The following PIK3R2 variants were observed in gnomAD, a reference collection of about 807,000 sequenced individuals.
The protein encoded by PIK3R2 is phosphoinositide-3-kinase regulatory subunit 2.
Under a neutral mutation model 78.5 loss-of-function variants are expected in PIK3R2, and 40 were observed. The ratio of observed to expected loss-of-function variants is 0.51; its 90% CI spans 0.40 to 0.66. The LOEUF is 0.66. Among genes scored for constraint, PIK3R2 ranks in the 30% least tolerant of loss-of-function variants. The pLI is 0.00. For synonymous variants in PIK3R2, 473 were observed against 457.7 expected (o/e 1.03, Z -0.43); for missense variants, 880 against 1,026.6 (o/e 0.86, Z 1.95).
rs1599987240 is a variant in PIK3R2 at position 18,167,648 on chromosome 19, A to G, written c.1736+342A>G. ...GCGGGCAGATGGATCACTTGAGGCC[A>G]GGAGTTCAAGACCAGCCTGGCCAAC... On this transcript the variant is annotated intron_variant, in intron 13 of 15. Transcript: ENST00000222254. The surrounding 1 kb of genome is among the most constrained non-coding windows in gnomAD (Gnocchi z 4.5). Among the ~76,000 whole-genome samples, 1 of 152,130 alleles carries G rather than the reference A, an allele frequency of 6.6e-6. No individual in the cohort carries two copies. Among genetic ancestry groups the G allele is most frequent in the Admixed American group, 6.6e-5 (1 of 15,262 alleles).
Position 18,168,767 on chromosome 19 carries a change from A to G in PIK3R2, c.1850A>G (p.His617Arg), listed in dbSNP as rs1179142508. 2 of 1,612,786 alleles carry G rather than the reference A, an allele frequency of 1.2e-6. No individual in the cohort carries two copies. The highest frequency in any genetic ancestry group is 1.3e-5 in the African/African-American group (1 of 74,774). The change falls in exon 15 of 16, where the codon CAC becomes CGC. Residue 617 changes from histidine (H) to arginine (R), a missense_variant. His to Arg is a conservative substitution (Grantham distance 29). Around this residue, in one of 3 missense-constraint regions of PIK3R2, gnomAD observed 268 missense variants for 299.1 expected, o/e 0.90. Transcript: ENST00000222254. The surrounding 1 kb of genome is among the most constrained non-coding windows in gnomAD (Gnocchi z 4.1). ...LMEDEDDLPH[H>R]EERTWYVGKI... ...GAGGACGAGGACGATCTCCCGCACCACGAGGAACGCACTTGGTACGTGGGC... is the reference window on the plus strand; with the variant it reads ...GAGGACGAGGACGATCTCCCGCACCGCGAGGAACGCACTTGGTACGTGGGC...
rs1453818326 is a variant in PIK3R2 at position 18,170,381 on chromosome 19, C to T, written c.*1087C>T. On this transcript the variant is annotated 3_prime_UTR_variant, in exon 16 of 16. Coordinates refer to ENST00000222254, the MANE Select transcript of PIK3R2 (RefSeq NM_005027.4). Reference sequence around the variant, plus strand: ...ATGTTGGGTTTTGATTCTGTTTTTCCTTGACTGCAAAACCCTCTTTCCTCT... The same window carrying T: ...ATGTTGGGTTTTGATTCTGTTTTTCTTTGACTGCAAAACCCTCTTTCCTCT... 2.0e-5 allele frequency: 3 copies of T among 152,068 alleles called. No homozygotes were observed. The highest frequency in any genetic ancestry group is 7.2e-5 in the African/African-American group (3 of 41,388). 9.4% of individuals were successfully genotyped at this position (152,068 alleles called of 1,614,324 possible).
chr19:18,156,021 G>C lies in PIK3R2; in HGVS notation c.142G>C (p.Glu48Gln), dbSNP rs1011337615. 3.8e-6 allele frequency: 6 copies of C among 1,558,766 alleles called. No homozygotes were observed. Among genetic ancestry groups the C allele is most frequent in the Non-Finnish European group, 4.3e-6 (5 of 1,151,818 alleles). Residue 48 changes from glutamate (E) to glutamine (Q), a missense_variant, in exon 2 of 16, where the codon GAG (glutamate) becomes CAG (glutamine). Glu to Gln is a conservative substitution (Grantham distance 29). Around this residue, in one of 3 missense-constraint regions of PIK3R2, gnomAD observed 456 missense variants for 486.6 expected, o/e 0.94. Transcript: ENST00000222254. The surrounding 1 kb of genome is among the most constrained non-coding windows in gnomAD (Gnocchi z 4.2). ...GGCGCTGGGCGTGGCCGAGGGTGGC[G>C]AGCGCTGCCCACAGAGCGTGGGCTG... is the stretch of plus-strand genomic sequence containing the variant. ...LQALGVAEGG[E>Q]RCPQSVGWMP... is the part of the protein sequence containing the mutation.
At position 18,158,833 on chromosome 19, in the gene PIK3R2, T is replaced by A. The variant is rs1030112376; in HGVS notation, c.323-1638T>A. Among the ~76,000 whole-genome samples, 3 of 152,192 alleles carry A rather than the reference T, an allele frequency of 2.0e-5. No individual in the cohort carries two copies. The East Asian group carries it at 5.8e-4, about 29-fold the overall frequency. On this transcript the variant is annotated intron_variant, in intron 2 of 15. Transcript: ENST00000222254. Reference sequence around the variant, plus strand: ...GAAATGTTATTTATTAATTAATGTATCTTTTTGTTTTGTTTTGTTTTGTTT... The same window carrying A: ...GAAATGTTATTTATTAATTAATGTAACTTTTTGTTTTGTTTTGTTTTGTTT...
chr19:18,161,693 G>A lies in PIK3R2; in HGVS notation c.815+198G>A, dbSNP rs1268001252. The stretch of plus-strand genomic sequence containing the variant: ...ACAGAAGGTGAAGGGGCCTAGTCCC[G>A]AAGCATGTGGGTGGTGCCTGCACCT... On this transcript the variant is annotated intron_variant, in intron 6 of 15. Transcript: ENST00000222254. This position sits in a 1 kb window ranked among gnomAD's most constrained non-coding sequence, Gnocchi z 5.3. 6.6e-6 allele frequency among the ~76,000 whole-genome samples: 1 copy of A among 152,196 alleles called. No individual in the cohort carries two copies.
chr19:18,162,082 C>T (rs778370282), intron 7 of PIK3R2, 31 bp downstream of exon 7: 1 of 1,594,390 alleles, frequency 6.3e-7, no homozygotes, highest in African/African-American at 1.3e-5. Flanking sequence ...TCATTTCTTC[C>T]CGTTGGGGGC....
chr19:18,156,208 A>G lies in PIK3R2; in HGVS notation c.322+7A>G, dbSNP rs774883359. The stretch of plus-strand genomic sequence containing the variant: ...GATGGGGCCCCTGAGCCAGGTGAGC[A>G]GCAAGCAGGGGCCCTGGAAAGGGGG... On this transcript the variant is annotated splice_region_variant and intron_variant, in intron 2 of 15. Coordinates refer to ENST00000222254, the MANE Select transcript of PIK3R2 (RefSeq NM_005027.4). The surrounding 1 kb of genome is among the most constrained non-coding windows in gnomAD (Gnocchi z 4.2). The G allele has an allele frequency of 1.2e-5, 17 of 1,468,182 alleles. No homozygotes were observed. The Admixed American group carries it at 4.5e-4, about 39-fold the overall frequency. The allele number at this position is 1,468,182 out of a possible 1,614,324, so 90.9% of individuals were successfully genotyped here.
chr19:18,154,797 CCGGG>C (rs1350857286), intron 1 of PIK3R2, among the ~76,000 whole-genome samples: 2 of 145,652 alleles, frequency 1.4e-5, no homozygotes, highest in Non-Finnish European at 3.1e-5. Context: ...TGTTTACTGG[CCGGG>C]CGCGGTGGCT....
rs1024209669 is a variant in PIK3R2 at position 18,156,703 on chromosome 19, C to A, written c.322+502C>A. Among the ~76,000 whole-genome samples, 5 of 152,176 alleles carry A rather than the reference C, an allele frequency of 3.3e-5. No homozygotes were observed. The highest frequency in any genetic ancestry group is 5.9e-5 in the Non-Finnish European group (4 of 68,026). The stretch of plus-strand genomic sequence containing the variant: ...GTCCCTTGAAGAACCCCTTTGGAGA[C>A]CCTGATTTCCAAAATGAAGCCACAA... On this transcript the variant is annotated intron_variant, in intron 2 of 15. Transcript: ENST00000222254. The surrounding 1 kb of genome is among the most constrained non-coding windows in gnomAD (Gnocchi z 4.2).
chr19:18,165,362 C>CAAA (rs33933785), intron 11 of PIK3R2, among the ~76,000 whole-genome samples: 5,222 of 78,820 alleles, frequency 0.066, 388 homozygotes, highest in Middle Eastern at 0.12. Flanking sequence ...GACTCCGTCT[C>CAAA]AAAAAAAAAA....
intron 11 of PIK3R2, among the ~76,000 whole-genome samples, chr19:18,164,644 T>TTG (rs1334667725): frequency 6.7e-6 from 1 of 150,280 alleles, no homozygotes; most frequent in Non-Finnish European, 1.5e-5. Context: ...TGTTTTGTTT[T>TTG]TTTTTTTTTG....
In PIK3R2 at chr19:18,165,362, CAAAAAAA is replaced by C. The variant is rs33933785; in HGVS notation, c.1417-782_1417-776del. The stretch of plus-strand genomic sequence containing the variant: ...CCTGGGACAGAGTGAGACTCCGTCT[CAAAAAAA>C]AAAAAAAAAAAAAAATTAGCCGGGC... On this transcript the variant is annotated intron_variant, in intron 11 of 15. Transcript: ENST00000222254. 7.4e-5 allele frequency among the ~76,000 whole-genome samples: 6 copies of C among 80,988 alleles called. No homozygotes were observed. The South Asian group carries it at 2.4e-3, about 33-fold the overall frequency. The allele number at this position is 80,988 out of a possible 152,430, so 53.1% of individuals were successfully genotyped here. A position where few individuals can be genotyped will look rare whatever the true frequency, so the allele number is the denominator to read the frequency against.
chr19:18,166,182 C>A lies in PIK3R2; in HGVS notation c.1439C>A (p.Ala480Glu). The A allele has an allele frequency of 6.2e-7, 1 of 1,613,868 alleles. No homozygotes were observed. Among genetic ancestry groups the A allele is most frequent in the Non-Finnish European group, 8.5e-7 (1 of 1,179,802 alleles). The change falls in exon 12 of 16, where the codon GCA (alanine) becomes GAA (glutamate). Residue 480 changes from alanine (A) to glutamate (E), a missense_variant. This residue lies in a region of PIK3R2 where 156 missense variants were observed against 241.0 expected (regional missense o/e 0.65). Coordinates refer to ENST00000222254, the MANE Select transcript of PIK3R2 (RefSeq NM_005027.4). ...CAGGAGCTGCAGATGAAGCGTACTGCAATTGAGGCCTTCAATGAGACTATC... is the reference window on the plus strand; with the variant it reads ...CAGGAGCTGCAGATGAAGCGTACTGAAATTGAGGCCTTCAATGAGACTATC... Reference protein sequence around the residue: ...TSQELQMKRTAIEAFNETIKI... With the variant: ...TSQELQMKRTEIEAFNETIKI...
intron 9 of PIK3R2, 148 bp downstream of exon 9, chr19:18,162,654 C>G: frequency 1.5e-6 from 1 of 677,132 alleles, no homozygotes; most frequent in Non-Finnish European, 2.5e-6. Flanking sequence ...GAGGCTGAGG[C>G]TGGCAGAACA....
rs34249019 is a variant in PIK3R2, at chr19:18,155,196, C to CAAA, written c.-423-243_-423-241dup. On this transcript the variant is annotated intron_variant, in intron 1 of 15. Transcript: ENST00000222254. ...TGGGTGACAGAGCAAGACTCTATCT[C>CAAA]AAAAAAAAAAAAAAAAAAAACTGAT... is the stretch of plus-strand genomic sequence containing the variant. 8.4e-4 allele frequency among the ~76,000 whole-genome samples: 92 copies of CAAA among 109,106 alleles called. 3 individuals are homozygous for CAAA. The highest frequency in any genetic ancestry group is 2.2e-3 in the South Asian group (7 of 3,162). 71.6% of individuals were successfully genotyped at this position (109,106 alleles called of 152,430 possible). A position where few individuals can be genotyped will look rare whatever the true frequency, so the allele number is the denominator to read the frequency against.
intron 1 of PIK3R2, among the ~76,000 whole-genome samples, chr19:18,154,622 C>T (rs931452480): frequency 6.6e-6 from 1 of 152,178 alleles, no homozygotes; most frequent in Non-Finnish European, 1.5e-5. Context: ...GTCCTCCCTG[C>T]CCTAGGTATC....
chr19:18,160,821 A>G, intron 3 of PIK3R2, 98 bp from the exon 4 acceptor site: 1 of 1,248,688 alleles, frequency 8.0e-7, no homozygotes. Flanking sequence ...ATCTCTGGGC[A>G]GCAAAGGGAG....
intron 12 of PIK3R2, among the ~76,000 whole-genome samples, chr19:18,166,767 G>A (rs954957327): frequency 6.6e-6 from 1 of 150,916 alleles, no homozygotes; most frequent in Non-Finnish European, 1.5e-5. Context: ...GCTAGAAAGA[G>A]AAATCAGAGG....
Position 18,160,962 on chromosome 19 carries a change from G to A in PIK3R2, c.459G>A (p.Pro153=), listed in dbSNP as rs1273937006. The change falls in exon 4 of 16, where the codon CCG becomes CCA. Residue 153 remains proline (P), a synonymous_variant. Transcript: ENST00000222254. ...ACTACCGCCCGGAGCTGCCCGCACC[G>A]CGTACAGGTGAAGGGGAGCCTCAAT... ...ESHYRPELPA[P]RTDWSLSDVD... is the part of the protein sequence containing the mutation. 6.2e-7 allele frequency: 1 copy of A among 1,612,496 alleles called. No individual in the cohort carries two copies. Among genetic ancestry groups the A allele is most frequent in the Non-Finnish European group, 8.5e-7 (1 of 1,179,712 alleles).
Sources: allele counts gnomAD v4.1 joint callset (sites outside exome capture counted in the v4.1 genomes callset), GRCh38; gene constraint gnomAD v4.1.1; regional missense constraint gnomAD v4.1.1; non-coding constraint Gnocchi (gnomAD v3.1); transcripts MANE v1.5; gene names NCBI Gene and HGNC (gene_info 2026-07-23, HGNC 2026-07-21).